The following PNKD variants were observed in gnomAD, a reference collection of about 807,000 sequenced individuals.
PNKD encodes the protein probable thioesterase PNKD.
Under a neutral mutation model 45.3 loss-of-function variants are expected in PNKD, and 36 were observed. The ratio of observed to expected loss-of-function variants is 0.80; its 90% CI spans 0.61 to 1.05. The LOEUF (loss-of-function observed/expected upper bound fraction) is 1.05. PNKD is among the 50% of genes least tolerant of loss of function. The pLI is 0.00. For missense variants in PNKD, 511 were observed against 506.6 expected, an observed-to-expected ratio of 1.01 and a Z score of -0.08; for synonymous variants, 197 against 210.1, an observed-to-expected ratio of 0.94 and a Z score of 0.54.
intron 2 of PNKD, among the ~76,000 whole-genome samples, chr2:218,297,554 G>A (rs73088113): frequency 0.092 from 13,912 of 151,890 alleles, 2,132 homozygotes; most frequent in African/African-American, 0.32. Context: ...GTGTGGTGGC[G>A]CATGCCTGTA....
intron 2 of PNKD, among the ~76,000 whole-genome samples, chr2:218,311,637 C>T (rs955636770): frequency 2.0e-5 from 3 of 152,206 alleles, no homozygotes; most frequent in Non-Finnish European, 2.9e-5. Flanking sequence ...CAGCATATCT[C>T]GCCTCCAGCC....
At chr2:218,283,633 AAG>A (rs1692242728) in intron 2 of PNKD, among the ~76,000 whole-genome samples, 1 of 152,220 alleles carries the variant, frequency 6.6e-6, no homozygotes, top group Non-Finnish European at 1.5e-5. Flanking sequence ...TGCTGGAAGC[AAG>A]AGAGACCAGC....
intron 2 of PNKD, chr2:218,282,348 C>T: frequency 2.0e-6 from 1 of 487,850 alleles, no homozygotes; most frequent in Non-Finnish European, 3.6e-6. Context: ...ACCTCCCCAC[C>T]AACTGGGCTC....
At chr2:218,299,652 C>T (rs1307619215) in intron 2 of PNKD, among the ~76,000 whole-genome samples, 1 of 150,174 alleles carries the variant, frequency 6.7e-6, no homozygotes, top group Non-Finnish European at 1.5e-5. Context: ...GAGTTTTGCT[C>T]TTGTTGCCCA....
In PNKD at chr2:218,272,503, TC is replaced by T. The variant is rs1300917660; in HGVS notation, c.236+960del. The T allele has an allele frequency of 1.0e-5, 15 of 1,456,682 alleles. No individual in the cohort carries two copies. In the East Asian group the frequency reaches 2.0e-4, roughly 20 times the overall value. 90.2% of individuals were successfully genotyped at this position (1,456,682 alleles called of 1,614,324 possible). A position where few individuals can be genotyped will look rare whatever the true frequency, so the allele number is the denominator to read the frequency against. On this transcript the variant is annotated intron_variant, in intron 2 of 9. Transcript: ENST00000273077. Reference sequence around the variant, plus strand: ...ATGCAACTGATGAAGCTAGAATGACTCCCCCCAGCTCCTCTGGCTCAGGCTT... The same window carrying T: ...ATGCAACTGATGAAGCTAGAATGACTCCCCCAGCTCCTCTGGCTCAGGCTT...
At chr2:218,280,207 G>T in intron 2 of PNKD, 1 of 1,031,650 alleles carries the variant, frequency 9.7e-7, no homozygotes, top group Non-Finnish European at 1.5e-6. Flanking sequence ...CAATCTCAAA[G>T]TCTCAGGGAT....
chr2:218,295,280 G>A (rs952414053), intron 2 of PNKD, among the ~76,000 whole-genome samples: 6 of 152,274 alleles, frequency 3.9e-5, no homozygotes, highest in African/African-American at 1.4e-4. Context: ...AGGAATTTCC[G>A]GTTCTAGAAA....
chr2:218,343,564 GGAT>G lies in PNKD; in HGVS notation c.849_851del (p.Asp284del). On this transcript the variant is annotated inframe_deletion, in exon 8 of 10. Transcript: ENST00000273077. ...CACTGGACACTGTGCTGGGGCTAGGGGATGACACCCTTCTGTGGCCTGGTGAGA... is the reference window on the plus strand; with the variant it reads ...CACTGGACACTGTGCTGGGGCTAGGGGACACCCTTCTGTGGCCTGGTGAGA... 2 of 1,613,326 alleles carry G rather than the reference GGAT, an allele frequency of 1.2e-6. No individual in the cohort carries two copies. The highest frequency in any genetic ancestry group is 2.2e-5 in the South Asian group (2 of 90,838).
intron 2 of PNKD, among the ~76,000 whole-genome samples, chr2:218,297,052 C>T (rs2106249076): frequency 6.6e-6 from 1 of 152,336 alleles, no homozygotes; most frequent in East Asian, 1.9e-4. Flanking sequence ...GTGCCTGTTT[C>T]TCCCCACTGG....
intron 2 of PNKD, among the ~76,000 whole-genome samples, chr2:218,305,185 A>G (rs898873944): frequency 2.0e-5 from 3 of 152,162 alleles, no homozygotes; most frequent in African/African-American, 7.2e-5. Flanking sequence ...TAGACAGTCT[A>G]CACTCGGTTG....
intron 2 of PNKD, among the ~76,000 whole-genome samples, chr2:218,330,010 A>G (rs1006882580): frequency 4.3e-5 from 2 of 47,058 alleles, no homozygotes; most frequent in African/African-American, 1.0e-4. Flanking sequence ...GGGAGAAACC[A>G]GAACAGTCCC....
intron 2 of PNKD, among the ~76,000 whole-genome samples, chr2:218,273,647 ATT>A (rs10607945): frequency 0.36 from 51,523 of 143,338 alleles, 9,299 homozygotes; most frequent in Middle Eastern, 0.51. Context: ...CTCCCAGTTA[ATT>A]TTTTTTTTTT....
At chr2:218,298,009 A>AAG (rs1693189099) in intron 2 of PNKD, among the ~76,000 whole-genome samples, 2 of 151,614 alleles carry the variant, frequency 1.3e-5, no homozygotes, top group Non-Finnish European at 2.9e-5. Flanking sequence ...AAAAAAAAAA[A>AAG]AAAGAGAGAG....
intron 6 of PNKD, 88 bp downstream of exon 6, chr2:218,341,714 G>C: frequency 9.7e-7 from 1 of 1,035,148 alleles, no homozygotes; most frequent in Non-Finnish European, 1.5e-6. Context: ...AGGGGTATCA[G>C]CAGGTGGATC....
intron 2 of PNKD, among the ~76,000 whole-genome samples, chr2:218,278,766 T>G (rs1691535217): frequency 6.6e-6 from 1 of 152,124 alleles, no homozygotes; most frequent in Admixed American, 6.5e-5. Flanking sequence ...GAAGGAGGTC[T>G]GGGGAGGCTG....
At chr2:218,344,391 G>A (rs1021655854) in intron 8 of PNKD, 64 bp from the exon 9 acceptor site, 1 of 1,214,078 alleles carries the variant, frequency 8.2e-7, no homozygotes, top group Admixed American at 2.0e-5. Context: ...GGGCAGGGAA[G>A]ACTGTTCTGA....
At chr2:218,279,398 G>T (rs1574636076) in intron 2 of PNKD, 12 of 1,501,138 alleles carry the variant, frequency 8.0e-6, no homozygotes, top group Non-Finnish European at 1.1e-5. Context: ...GGCACCCCTG[G>T]CCTGCCCCAG....
intron 2 of PNKD, among the ~76,000 whole-genome samples, chr2:218,291,327 G>C (rs1228244130): frequency 1.3e-5 from 2 of 152,210 alleles, no homozygotes; most frequent in East Asian, 3.8e-4. Context: ...GGAGGCAGGT[G>C]AGAAGGAAGT....
chr2:218,292,900 G>C (rs978833725), intron 2 of PNKD, among the ~76,000 whole-genome samples: 1 of 152,176 alleles, frequency 6.6e-6, no homozygotes, highest in Non-Finnish European at 1.5e-5. Context: ...ACTGTTTTAT[G>C]ATGAACATTT....
Sources: allele counts gnomAD v4.1 joint callset (sites outside exome capture counted in the v4.1 genomes callset), GRCh38; gene constraint gnomAD v4.1.1; transcripts MANE v1.5; gene names NCBI Gene and HGNC (gene_info 2026-07-23, HGNC 2026-07-21).